MAGI2: variants seen among roughly 807,000 people sequenced by gnomAD.
The protein encoded by MAGI2 is membrane associated guanylate kinase, WW and PDZ domain containing 2.
MAGI2 carries 35 observed loss-of-function variants against 133.3 expected under a neutral mutation model. The observed-to-expected ratio is 0.26, with a 90% CI of 0.20 to 0.35. The LOEUF is 0.35. MAGI2 is among the 10% of genes least tolerant of loss of function. The pLI is 1.00. For missense variants in MAGI2, 1,636 were observed against 1,863.4 expected, an observed-to-expected ratio of 0.88 and a Z score of 2.25; for synonymous variants, 729 against 710.6, an observed-to-expected ratio of 1.03 and a Z score of -0.41.
At chr7:78,226,830 CTT>C (rs1235069430) in intron 10 of MAGI2, among the ~76,000 whole-genome samples, 1 of 152,184 alleles carries the variant, frequency 6.6e-6, no homozygotes, top group African/African-American at 2.4e-5. Context: ...CAGATTGACA[CTT>C]TTAACAGAAC....
At chr7:78,237,645 C>T (rs145292465) in intron 10 of MAGI2, among the ~76,000 whole-genome samples, 63 of 152,080 alleles carry the variant, frequency 4.1e-4, no homozygotes, top group African/African-American at 1.4e-3. Flanking sequence ...AATATTAGTT[C>T]TTTTTATTTT....
At chr7:79,170,879 G>C (rs1825472877) in intron 1 of MAGI2, among the ~76,000 whole-genome samples, 1 of 152,026 alleles carries the variant, frequency 6.6e-6, no homozygotes, top group Admixed American at 6.6e-5. Context: ...ATAATAGAGT[G>C]CATTCATTCC....
intron 2 of MAGI2, among the ~76,000 whole-genome samples, chr7:78,681,460 T>A (rs1285684799): frequency 6.6e-6 from 1 of 152,126 alleles, no homozygotes; most frequent in Non-Finnish European, 1.5e-5. Context: ...CATATTTAGA[T>A]AAAACTAATA....
chr7:79,403,196 T>C (rs1415075247), intron 1 of MAGI2, among the ~76,000 whole-genome samples: 1 of 152,206 alleles, frequency 6.6e-6, no homozygotes, highest in Admixed American at 6.5e-5. Context: ...CAGCAAAGAC[T>C]GAAGTCCAAA....
At chr7:79,154,201 A>G (rs889067893) in intron 1 of MAGI2, among the ~76,000 whole-genome samples, 1 of 152,178 alleles carries the variant, frequency 6.6e-6, no homozygotes, top group African/African-American at 2.4e-5. Context: ...TAAAATTTCT[A>G]TTTGTACCTT....
intron 1 of MAGI2, among the ~76,000 whole-genome samples, chr7:79,334,768 G>T (rs1370716335): frequency 2.0e-5 from 3 of 152,138 alleles, no homozygotes; most frequent in Admixed American, 1.3e-4. Context: ...TCAAAGATTT[G>T]TAATTGATAA....
At chr7:78,679,876 C>T (rs956736284) in intron 2 of MAGI2, among the ~76,000 whole-genome samples, 4 of 152,056 alleles carry the variant, frequency 2.6e-5, no homozygotes, top group Non-Finnish European at 4.4e-5. Context: ...TTTTGCCCAC[C>T]ACAGAGGCAA....
chr7:78,719,684 T>C lies in MAGI2; in HGVS notation c.419-92445A>G, dbSNP rs569787471. Among the ~76,000 whole-genome samples the C allele has an allele frequency of 3.9e-5, 6 of 152,316 alleles. No homozygotes were observed. The South Asian group carries it at 1.2e-3, about 32-fold the overall frequency. On this transcript the variant is annotated intron_variant, in intron 2 of 21. Coordinates refer to ENST00000354212, the MANE Select transcript of MAGI2 (RefSeq NM_012301.4). ...TTGCTGCTATTAAGAGCTCTTTCTA[T>C]GCATTAAACTTGTCTCACCAAAGCA...
chr7:79,271,511 C>T (rs1834875485), intron 1 of MAGI2, among the ~76,000 whole-genome samples: 1 of 152,036 alleles, frequency 6.6e-6, no homozygotes, highest in Non-Finnish European at 1.5e-5. Context: ...CCTTCAACAA[C>T]ATAGTTAGCT....
At chr7:78,825,594 C>T (rs937008799) in intron 2 of MAGI2, among the ~76,000 whole-genome samples, 4 of 152,158 alleles carry the variant, frequency 2.6e-5, no homozygotes, top group Admixed American at 1.3e-4. Context: ...GAATAAAAAA[C>T]TAGTTTTTTT....
chr7:78,132,947 TGTTG>T lies in MAGI2; in HGVS notation c.3141_3144del (p.Asn1048AlafsTer25). On this transcript the variant is annotated frameshift_variant, in exon 18 of 22. Coordinates refer to ENST00000354212, the MANE Select transcript of MAGI2 (RefSeq NM_012301.4). LOFTEE classifies it high-confidence loss of function. Reference sequence around the variant, plus strand: ...GGTGGTGCTGGCTGGGCGATGGGGCTGTTGGGGGTGGCTGGGCTTGGCTGGGCCA... The same window carrying T: ...GGTGGTGCTGGCTGGGCGATGGGGCTGGGGTGGCTGGGCTTGGCTGGGCCA... 1 of 1,613,754 alleles carries T rather than the reference TGTTG, an allele frequency of 6.2e-7. No individual in the cohort carries two copies.
chr7:78,945,939 C>A (rs1366041126), intron 2 of MAGI2, among the ~76,000 whole-genome samples: 1 of 152,104 alleles, frequency 6.6e-6, no homozygotes, highest in African/African-American at 2.4e-5. Flanking sequence ...TTTGTGCATT[C>A]CCAGCATTTA....
At chr7:78,057,983 A>G (rs373358676) in intron 21 of MAGI2, among the ~76,000 whole-genome samples, 30 of 30,828 alleles carry the variant, frequency 9.7e-4, no homozygotes, top group East Asian at 5.6e-3. Flanking sequence ...ATGTGTATAT[A>G]TATATATATA....
intron 1 of MAGI2, among the ~76,000 whole-genome samples, chr7:79,029,581 A>T (rs1046831691): frequency 6.6e-6 from 1 of 152,138 alleles, no homozygotes; most frequent in Non-Finnish European, 1.5e-5. Flanking sequence ...ACTCATTTTT[A>T]ACTTAAGTTA....
intron 2 of MAGI2, among the ~76,000 whole-genome samples, chr7:78,819,616 GA>G (rs1444246451): frequency 6.6e-6 from 1 of 151,954 alleles, no homozygotes; most frequent in African/African-American, 2.4e-5. Context: ...AGACAGAGGG[GA>G]AAAGAGAAGA....
At chr7:78,867,375 T>G (rs1474873570) in intron 2 of MAGI2, among the ~76,000 whole-genome samples, 3 of 150,348 alleles carry the variant, frequency 2.0e-5, no homozygotes, top group Non-Finnish European at 4.4e-5. Context: ...AAATGATGAG[T>G]TCATGTCCTT....
chr7:79,215,802 T>C (rs1829982294), intron 1 of MAGI2, among the ~76,000 whole-genome samples: 1 of 152,046 alleles, frequency 6.6e-6, no homozygotes, highest in Non-Finnish European at 1.5e-5. Context: ...CAGGGCCTCC[T>C]GTGGCTGTGT....
intron 14 of MAGI2, among the ~76,000 whole-genome samples, chr7:78,172,120 T>G (rs1333061136): frequency 1.3e-5 from 2 of 152,122 alleles, no homozygotes; most frequent in Non-Finnish European, 2.9e-5. Context: ...CAATTCACAT[T>G]CAAGTGGCTG....
intron 6 of MAGI2, among the ~76,000 whole-genome samples, chr7:78,429,945 T>A (rs942895601): frequency 1.3e-5 from 2 of 152,128 alleles, no homozygotes; most frequent in Non-Finnish European, 2.9e-5. Flanking sequence ...AGTGATGGAG[T>A]TGGGATCTGA....
Sources: gnomAD v4.1 joint callset for allele counts (sites outside exome capture counted in the v4.1 genomes callset) on GRCh38, gnomAD v4.1.1 for gene constraint, MANE v1.5 for transcripts, NCBI Gene and HGNC (gene_info 2026-07-23, HGNC 2026-07-21) for gene names.